The following BCAS3 variants were observed in gnomAD, a reference collection of about 807,000 sequenced individuals.
BCAS3 encodes the protein BCAS4/BCAS3 fusion.
A neutral mutation model predicts 116.1 loss-of-function variants in BCAS3; 53 were observed. The observed-to-expected ratio is 0.46, with a 90% CI of 0.37 to 0.57. The LOEUF (loss-of-function observed/expected upper bound fraction) is 0.57. Ranked by LOEUF, BCAS3 falls within the 20% of genes least tolerant of loss-of-function variation. BCAS3 has a pLI of 0.00. For synonymous variants in BCAS3, 391 were observed against 408.2 expected, an observed-to-expected ratio of 0.96 and a Z score of 0.51; for missense variants, 917 against 1,165.4, an observed-to-expected ratio of 0.79 and a Z score of 3.10.
chr17:60,903,008 T>C (rs1183964494), intron 11 of BCAS3, among the ~76,000 whole-genome samples: 1 of 152,242 alleles, frequency 6.6e-6, no homozygotes, highest in Admixed American at 6.5e-5. Flanking sequence ...TATTATTCCC[T>C]ATGAAAACTT....
intron 6 of BCAS3, among the ~76,000 whole-genome samples, chr17:60,803,958 C>G (rs560594445): frequency 1.0e-4 from 15 of 150,660 alleles, no homozygotes; most frequent in Non-Finnish European, 1.8e-4. Context: ...TGCACCACCA[C>G]GCCCGGCTAA....
At chr17:60,757,362 A>C (rs1333878162) in intron 6 of BCAS3, among the ~76,000 whole-genome samples, 1 of 146,410 alleles carries the variant, frequency 6.8e-6, no homozygotes, top group African/African-American at 2.5e-5. Flanking sequence ...AAATAAATAA[A>C]TGAGTTTCTC....
intron 22 of BCAS3, among the ~76,000 whole-genome samples, chr17:61,272,385 C>G (rs1350691196): frequency 6.6e-6 from 1 of 152,038 alleles, no homozygotes; most frequent in Non-Finnish European, 1.5e-5. Flanking sequence ...GTAATCCCAG[C>G]ACTTTGGGAG....
At chr17:60,738,764 G>GT (rs551286824) in intron 5 of BCAS3, among the ~76,000 whole-genome samples, 1 of 152,002 alleles carries the variant, frequency 6.6e-6, no homozygotes, top group Non-Finnish European at 1.5e-5. Flanking sequence ...ATTTTTAAAA[G>GT]TTTTTTCTTG....
intron 7 of BCAS3, among the ~76,000 whole-genome samples, chr17:60,846,513 A>T (rs2052553652): frequency 6.6e-6 from 1 of 152,126 alleles, no homozygotes; most frequent in South Asian, 2.1e-4. Flanking sequence ...TCTTTCTATC[A>T]GTTGTTGAGA....
chr17:60,910,507 A>G (rs770568663), intron 11 of BCAS3, 25 bp from the exon 12 acceptor site: 59 of 1,552,282 alleles, frequency 3.8e-5, no homozygotes, highest in Non-Finnish European at 5.0e-5. Flanking sequence ...ATGTGAAGTC[A>G]TACATTTTAC....
rs937558956 is a variant in BCAS3 at position 61,088,122 on chromosome 17, C to T, written c.2425+3558C>T. Reference sequence around the variant, plus strand: ...GCTTGAACCCGGGAGGCAGAGGTTGCAGTGAGCTGAGATTGCACCAGTGCA... The same window carrying T: ...GCTTGAACCCGGGAGGCAGAGGTTGTAGTGAGCTGAGATTGCACCAGTGCA... On this transcript the variant is annotated intron_variant, in intron 22 of 23. Transcript: ENST00000407086. The surrounding 1 kb of genome is among the most constrained non-coding windows in gnomAD (Gnocchi z 4.2). Among the ~76,000 whole-genome samples the T allele has an allele frequency of 6.6e-6, 1 of 152,184 alleles. No homozygotes were observed. The highest frequency in any genetic ancestry group is 1.5e-5 in the Non-Finnish European group (1 of 68,036).
intron 13 of BCAS3, among the ~76,000 whole-genome samples, chr17:60,928,836 T>G (rs1010088074): frequency 2.0e-5 from 3 of 152,228 alleles, no homozygotes; most frequent in African/African-American, 7.2e-5. Flanking sequence ...TAGGTGACAT[T>G]TTATTTTGCT....
intron 22 of BCAS3, among the ~76,000 whole-genome samples, chr17:61,194,464 G>A (rs1025568330): frequency 9.2e-5 from 14 of 152,216 alleles, no homozygotes; most frequent in African/African-American, 3.1e-4. Flanking sequence ...ACTAAGCCGG[G>A]CGCAGTGGCT....
intron 22 of BCAS3, among the ~76,000 whole-genome samples, chr17:61,232,628 C>T (rs1168395926): frequency 6.6e-6 from 1 of 152,080 alleles, no homozygotes; most frequent in Non-Finnish European, 1.5e-5. Flanking sequence ...TGGGTTTCAT[C>T]CTGAGGATCC....
Position 61,363,003 on chromosome 17 carries a change from G to A in BCAS3, c.2426-5324G>A, listed in dbSNP as rs187610747. The stretch of plus-strand genomic sequence containing the variant: ...CAAATTTCATAAGTAGTCAATAAAC[G>A]AACCTGTTTTGAGCAAGCATGATGT... On this transcript the variant is annotated intron_variant, in intron 22 of 23. Coordinates refer to ENST00000407086, the MANE Select transcript of BCAS3 (RefSeq NM_017679.5). This position sits in a 1 kb window ranked among gnomAD's most constrained non-coding sequence, Gnocchi z 4.9. Among the ~76,000 whole-genome samples the A allele has an allele frequency of 7.9e-4, 121 of 152,268 alleles. 1 individual carries two copies. Among genetic ancestry groups the A allele is most frequent in the African/African-American group, 2.7e-3 (112 of 41,548 alleles).
chr17:60,901,597 A>G (rs550350043), intron 10 of BCAS3, among the ~76,000 whole-genome samples: 4 of 152,322 alleles, frequency 2.6e-5, no homozygotes, highest in Admixed American at 2.6e-4. Context: ...TGCATATCAT[A>G]CTTTTAAGGG....
rs1012075756 is a variant in BCAS3 at position 61,008,490 on chromosome 17, C to T, written c.1487-7261C>T. Among the ~76,000 whole-genome samples, 1 of 151,826 alleles carries T rather than the reference C, an allele frequency of 6.6e-6. No individual in the cohort carries two copies. The highest frequency in any genetic ancestry group is 1.5e-5 in the Non-Finnish European group (1 of 67,946). ...AAGCAGTGTTTTTAACTTTTCAGAG[C>T]CCACATTTCCAGTGACTATTTCAAA... is the stretch of plus-strand genomic sequence containing the variant. On this transcript the variant is annotated intron_variant, in intron 15 of 23. Transcript: ENST00000407086. The surrounding 1 kb of genome is among the most constrained non-coding windows in gnomAD (Gnocchi z 4.6).
At position 61,220,163 on chromosome 17, in the gene BCAS3, A is replaced by G. The variant is rs2082031053; in HGVS notation, c.2425+135599A>G. Among the ~76,000 whole-genome samples, 1 of 152,118 alleles carries G rather than the reference A, an allele frequency of 6.6e-6. No homozygotes were observed. The highest frequency in any genetic ancestry group is 2.4e-5 in the African/African-American group (1 of 41,430). On this transcript the variant is annotated intron_variant, in intron 22 of 23. Transcript: ENST00000407086. This position sits in a 1 kb window ranked among gnomAD's most constrained non-coding sequence, Gnocchi z 4.5. ...ACAAAAATTAGCCAGGCGTGGTGGC[A>G]GGCGCCTCTAATCCCAGCTACTCAG... is the stretch of plus-strand genomic sequence containing the variant.
In BCAS3 at chr17:61,388,504, G is replaced by GT; in HGVS notation, c.2594-3472dup. 1.1e-6 allele frequency: 1 copy of GT among 937,738 alleles called. No homozygotes were observed. Among genetic ancestry groups the GT allele is most frequent in the Non-Finnish European group, 1.6e-6 (1 of 631,804 alleles). 58.1% of individuals were successfully genotyped at this position (937,738 alleles called of 1,614,324 possible). On this transcript the variant is annotated intron_variant, in intron 23 of 23. Transcript: ENST00000407086. The surrounding 1 kb of genome is among the most constrained non-coding windows in gnomAD (Gnocchi z 6.5). ...TGACTGCAAACTCCCCCTCCTCACG[G>GT]TGTGCCCCTGCGCCTCCTGACACCT...
intron 14 of BCAS3, among the ~76,000 whole-genome samples, chr17:60,985,660 C>G (rs946423906): frequency 3.9e-5 from 6 of 152,084 alleles, no homozygotes; most frequent in Admixed American, 1.3e-4. Flanking sequence ...CCTACTCCCC[C>G]CTCCTCCCTC....
rs925407747 is a variant in BCAS3 at position 61,222,681 on chromosome 17, G to T, written c.2425+138117G>T. ...GTCACGTGGTATATGGGTTTTTTTTGTTTGTTTGTTTAATTTTCATTCAGC... is the reference window on the plus strand; with the variant it reads ...GTCACGTGGTATATGGGTTTTTTTTTTTTGTTTGTTTAATTTTCATTCAGC... On this transcript the variant is annotated intron_variant, in intron 22 of 23. Coordinates refer to ENST00000407086, the MANE Select transcript of BCAS3 (RefSeq NM_017679.5). The surrounding 1 kb of genome is among the most constrained non-coding windows in gnomAD (Gnocchi z 6.1). Among the ~76,000 whole-genome samples, 1 of 150,284 alleles carries T rather than the reference G, an allele frequency of 6.7e-6. No individual in the cohort carries two copies. The highest frequency in any genetic ancestry group is 1.5e-5 in the Non-Finnish European group (1 of 67,938).
rs191765073 is a variant in BCAS3, at chr17:60,938,994, A to G, written c.1088-8225A>G. On this transcript the variant is annotated intron_variant, in intron 13 of 23. Coordinates refer to ENST00000407086, the MANE Select transcript of BCAS3 (RefSeq NM_017679.5). ...ATGTAAAATTATACAACCACATTGG[A>G]AAATAGTTTGGCAGTTTCTTATAAA... Among the ~76,000 whole-genome samples the G allele has an allele frequency of 2.6e-5, 4 of 152,324 alleles. No individual in the cohort carries two copies. The East Asian group carries it at 7.7e-4, about 29-fold the overall frequency.
At chr17:61,030,625 G>A (rs1165087771) in intron 16 of BCAS3, among the ~76,000 whole-genome samples, 1 of 151,990 alleles carries the variant, frequency 6.6e-6, no homozygotes, top group Non-Finnish European at 1.5e-5. Flanking sequence ...AAATGACAAA[G>A]AGTTAAACTC....
Sources: gnomAD v4.1 joint callset for allele counts (sites outside exome capture counted in the v4.1 genomes callset) on GRCh38, gnomAD v4.1.1 for gene constraint, Gnocchi (gnomAD v3.1) non-coding constraint, MANE v1.5 for transcripts, NCBI Gene and HGNC (gene_info 2026-07-23, HGNC 2026-07-21) for gene names.